Variants in THAP5 observed in about 807,000 individuals in gnomAD.
THAP5 encodes THAP domain-containing protein 5.
Under a neutral mutation model 34.0 loss-of-function variants are expected in THAP5, and 26 were observed. The ratio of observed to expected loss-of-function variants is 0.77; its 90% confidence interval spans 0.56 to 1.06. The LOEUF (loss-of-function observed/expected upper bound fraction) is 1.06, where lower values mean the gene tolerates loss of function less well. Among genes scored for constraint, THAP5 ranks in the 50% least tolerant of loss-of-function variants. THAP5 has a pLI of 0.00. For synonymous variants in THAP5, 125 were observed against 153.0 expected, an observed-to-expected ratio of 0.82 and a Z score of 1.35; for missense variants, 394 against 452.8, an observed-to-expected ratio of 0.87 and a Z score of 1.18.
downstream of THAP5, among the ~76,000 whole-genome samples, chr7:108,558,815 C>A (rs2154517940): frequency 6.6e-6 from 1 of 151,998 alleles, no homozygotes; most frequent in Admixed American, 6.5e-5. Context: ...TCATGAAATA[C>A]AAAGTAGTTT....
chr7:108,549,300 T>G, the THAP5 span, among the ~76,000 whole-genome samples: 7 of 152,124 alleles, frequency 4.6e-5, no homozygotes, highest in East Asian at 1.3e-3. Flanking sequence ...TTTTGTATTT[T>G]TAGTAGAGAC....
chr7:108,567,129 G>A (rs1328861967), intron 1 of THAP5, among the ~76,000 whole-genome samples: 2 of 152,028 alleles, frequency 1.3e-5, no homozygotes, highest in African/African-American at 4.8e-5. Flanking sequence ...TGGGTACTCT[G>A]TAAGATATAA....
intron 1 of THAP5, chr7:108,568,628 G>A (rs1349080647): frequency 6.5e-6 from 1 of 154,690 alleles, no homozygotes; most frequent in East Asian, 1.9e-4. Flanking sequence ...AACCAGGTTA[G>A]ATCTAAATGA....
chr7:108,566,196 A>T (rs935032197), intron 1 of THAP5, among the ~76,000 whole-genome samples, 174 bp from the exon 2 acceptor site: 1 of 152,232 alleles, frequency 6.6e-6, no homozygotes, highest in Non-Finnish European at 1.5e-5. Context: ...TACCATTATC[A>T]TCTCTGCAGT....
rs1599013194 is a variant in THAP5, at chr7:108,566,134, C to G, written c.81-112G>C. Reference sequence around the variant, plus strand: ...TAACCTATGCATCAAGTAAGTACTACAAGAGGAAGGCAACCATCCCTACCA... The same window carrying G: ...TAACCTATGCATCAAGTAAGTACTAGAAGAGGAAGGCAACCATCCCTACCA... On this transcript the variant is annotated intron_variant, in intron 1 of 2. Coordinates refer to ENST00000415914, the MANE Select transcript of THAP5 (RefSeq NM_001130475.3). The G allele has an allele frequency of 1.1e-5, 9 of 832,402 alleles. No individual in the cohort carries two copies. The East Asian group carries it at 2.2e-4, about 20-fold the overall frequency. The allele number at this position is 832,402 out of a possible 1,614,324, so 51.6% of individuals were successfully genotyped here.
In THAP5 at chr7:108,569,624, C is replaced by A. The variant is rs1197722010; in HGVS notation, c.-55G>T. The A allele has an allele frequency of 7.1e-6, 11 of 1,543,878 alleles. No homozygotes were observed. The highest frequency in any genetic ancestry group is 2.4e-5 in the East Asian group (1 of 40,916). On this transcript the variant is annotated 5_prime_UTR_variant, in exon 1 of 3. Transcript: ENST00000415914. Reference sequence around the variant, plus strand: ...CCGGCGACGGATGCAGGGCGGCCCTCCTCACTGAGGATGCGCCACAGGTCC... The same window carrying A: ...CCGGCGACGGATGCAGGGCGGCCCTACTCACTGAGGATGCGCCACAGGTCC...
intron 1 of THAP5, 199 bp downstream of exon 1, chr7:108,569,289 ACC>A: frequency 7.0e-7 from 1 of 1,435,068 alleles, no homozygotes; most frequent in Non-Finnish European, 9.1e-7. Context: ...GGGCCTCGCC[ACC>A]AGCCAGCAGT....
downstream of THAP5, among the ~76,000 whole-genome samples, chr7:108,550,334 A>G (rs1481605026): frequency 1.3e-5 from 2 of 152,192 alleles, no homozygotes. Context: ...CTCTGACTTT[A>G]AAAAATAATG....
At chr7:108,546,696 T>A in the THAP5 span, among the ~76,000 whole-genome samples, 1 of 152,174 alleles carries the variant, frequency 6.6e-6, no homozygotes, top group Non-Finnish European at 1.5e-5. Context: ...CACTTAGTAT[T>A]TTGCTATTGC....
At chr7:108,569,168 G>T in intron 1 of THAP5, 1 of 1,218,036 alleles carries the variant, frequency 8.2e-7, no homozygotes, top group Non-Finnish European at 1.0e-6. Context: ...CTTAAATGGT[G>T]GTTAATGTTG....
intron 2 of THAP5, 123 bp from the exon 3 acceptor site, chr7:108,565,228 C>T (rs1292206510): frequency 3.9e-6 from 3 of 761,192 alleles, no homozygotes; most frequent in African/African-American, 3.5e-5. Context: ...TAAAAAAAAG[C>T]TCAGAGTATA....
Position 108,565,948 on chromosome 7 carries a change from T to A in THAP5, c.155A>T (p.Lys52Ile). 1 of 1,551,178 alleles carries A rather than the reference T, an allele frequency of 6.4e-7. No individual in the cohort carries two copies. The highest frequency in any genetic ancestry group is 8.7e-7 in the Non-Finnish European group (1 of 1,146,874). Reference protein sequence around the residue: ...NMKRDSWVPSKYQFLCSDHFT... With the variant: ...NMKRDSWVPSIYQFLCSDHFT... ...ATGGTCACTACATAGAAACTGGTAT[T>A]TACTGGGAACCCATGAATCTCGCTT... The change falls in exon 2 of 3, where the codon AAA (lysine) becomes ATA (isoleucine). Residue 52 changes from lysine to isoleucine, a missense_variant. Physicochemically the swap from Lys to Ile is moderately radical, Grantham distance 102. Transcript: ENST00000415914.
intron 1 of THAP5, among the ~76,000 whole-genome samples, chr7:108,555,856 C>T (rs1396139227): frequency 6.6e-6 from 1 of 151,890 alleles, no homozygotes; most frequent in Admixed American, 6.6e-5. Flanking sequence ...GCGAGCACCA[C>T]CATGCCTGGC....
Position 108,566,027 on chromosome 7 carries a change from A to G in THAP5, c.81-5T>C. On this transcript the variant is annotated splice_polypyrimidine_tract_variant and splice_region_variant and intron_variant, in intron 1 of 2. Coordinates refer to ENST00000415914, the MANE Select transcript of THAP5 (RefSeq NM_001130475.3). ...TCTTTGTCATGTAGAGGAAATCTGG[A>G]ATTTAAAAAAAAAAGAAGAAAAAAG... 1 of 1,498,346 alleles carries G rather than the reference A, an allele frequency of 6.7e-7. No individual in the cohort carries two copies. Among genetic ancestry groups the G allele is most frequent in the Non-Finnish European group, 8.9e-7 (1 of 1,128,568 alleles). 92.8% of individuals were successfully genotyped at this position (1,498,346 alleles called of 1,614,324 possible).
At chr7:108,565,319 T>C (rs988655398) in intron 2 of THAP5, 4 of 377,510 alleles carry the variant, frequency 1.1e-5, no homozygotes, top group Non-Finnish European at 1.8e-5. Context: ...AAAAGACTAG[T>C]ATATTGGGAG....
chr7:108,564,766 T>C lies in THAP5; in HGVS notation c.613A>G (p.Ile205Val), dbSNP rs1235180947. 6.2e-7 allele frequency: 1 copy of C among 1,613,390 alleles called. No individual in the cohort carries two copies. Among genetic ancestry groups the C allele is most frequent in the Admixed American group, 1.7e-5 (1 of 59,958 alleles). Residue 205 changes from isoleucine (I) to valine (V), a missense_variant, in exon 3 of 3, where the codon ATT becomes GTT. By Grantham distance (29) the Ile-to-Val change is conservative. Transcript: ENST00000415914. Reference protein sequence around the residue: ...TCFENLNSTTITLTTSNSESI... With the variant: ...TCFENLNSTTVTLTTSNSESI... ...TCTGAATTTGAAGTTGTCAAAGTAA[T>C]AGTTGTAGAATTTAGATTCTCAAAA...
intron 2 of THAP5, 111 bp downstream of exon 2, chr7:108,565,719 C>T: frequency 2.5e-6 from 2 of 807,528 alleles, no homozygotes; most frequent in East Asian, 3.1e-5. Context: ...CCCTTTTTTC[C>T]AAGTATCTGT....
chr7:108,568,956 C>A (rs1031008292), intron 1 of THAP5: 1 of 263,040 alleles, frequency 3.8e-6, no homozygotes, highest in Non-Finnish European at 6.0e-6. Flanking sequence ...CCTTGTTCTC[C>A]GCAGAGTATC....
downstream of THAP5, among the ~76,000 whole-genome samples, chr7:108,559,015 T>C (rs1864408089): frequency 6.6e-6 from 1 of 152,242 alleles, no homozygotes; most frequent in Non-Finnish European, 1.5e-5. Context: ...CATGTTTCTA[T>C]TACCTGAATG....
Sources: allele counts gnomAD v4.1 joint callset (sites outside exome capture counted in the v4.1 genomes callset), GRCh38; gene constraint gnomAD v4.1.1; transcripts MANE v1.5; gene names NCBI Gene and HGNC (gene_info 2026-07-23, HGNC 2026-07-21).